The following EGFR variants were observed in gnomAD, a reference collection of about 807,000 sequenced individuals.
EGFR encodes the protein avian erythroblastic leukemia viral (v-erb-b) oncogene homolog.
Under a neutral mutation model 143.0 loss-of-function variants are expected in EGFR, and 58 were observed. The observed-to-expected ratio is 0.41, with a 90% CI of 0.33 to 0.50. The LOEUF is 0.50. Ranked by LOEUF, EGFR falls within the 20% of genes least tolerant of loss-of-function variation. The pLI is 0.39. For missense variants in EGFR, 1,307 were observed against 1,579.0 expected (o/e 0.83, Z 2.92); for synonymous variants, 613 against 594.4 (o/e 1.03, Z -0.45).
intron 1 of EGFR, among the ~76,000 whole-genome samples, chr7:55,110,249 C>A (rs1196131103): frequency 6.6e-6 from 1 of 152,094 alleles, no homozygotes; most frequent in African/African-American, 2.4e-5. Context: ...TATCTATTTT[C>A]TTTTCCTATT....
intron 3 of EGFR, among the ~76,000 whole-genome samples, chr7:55,143,715 C>G (rs889699595): frequency 6.6e-6 from 1 of 151,954 alleles, no homozygotes; most frequent in Non-Finnish European, 1.5e-5. Context: ...TTTACATGGA[C>G]ATGAAAAAAT....
At chr7:55,157,201 T>G (rs1319756168) in intron 10 of EGFR, among the ~76,000 whole-genome samples, 3 of 152,252 alleles carry the variant, frequency 2.0e-5, no homozygotes, top group Non-Finnish European at 4.4e-5. Context: ...CGGGCAAGCC[T>G]CGGGTCTATG....
At chr7:55,144,605 C>T (rs1794655496) in intron 3 of EGFR, among the ~76,000 whole-genome samples, 1 of 152,206 alleles carries the variant, frequency 6.6e-6, no homozygotes, top group South Asian at 2.1e-4. Context: ...CTCCTCAGTT[C>T]ACCGCCTATA....
At chr7:55,102,145 G>T (rs964864471) in intron 1 of EGFR, among the ~76,000 whole-genome samples, 2 of 152,010 alleles carry the variant, frequency 1.3e-5, no homozygotes, top group Non-Finnish European at 2.9e-5. Context: ...GCCCACTTAT[G>T]TGACCCACCC....
chr7:55,172,895 C>T (rs1786415631), intron 16 of EGFR, 88 bp from the exon 17 acceptor site: 1 of 1,612,184 alleles, frequency 6.2e-7, no homozygotes, highest in South Asian at 1.1e-5. Context: ...GATGTCAGTG[C>T]ACTGAAACAT....
rs1788126165 is a variant in EGFR at position 55,207,056 on chromosome 7, A to G, written c.*1439A>G. 4.3e-6 allele frequency: 1 copy of G among 232,872 alleles called. No individual in the cohort carries two copies. Among genetic ancestry groups the G allele is most frequent in the South Asian group, 1.8e-4 (1 of 5,536 alleles). The allele number at this position is 232,872 out of a possible 1,614,324, so 14.4% of individuals were successfully genotyped here. On this transcript the variant is annotated 3_prime_UTR_variant, in exon 28 of 28. Coordinates refer to ENST00000275493, the MANE Select transcript of EGFR (RefSeq NM_005228.5). ...AGTTAGGAGCCCACCTTTTTTCCTA[A>G]TCTGTGTGTGCCCTGTAACCTGACT...
intron 6 of EGFR, among the ~76,000 whole-genome samples, chr7:55,153,624 C>T (rs1785264240): frequency 6.6e-6 from 1 of 152,176 alleles, no homozygotes; most frequent in Non-Finnish European, 1.5e-5. Context: ...TTCAGCAATA[C>T]ATTATAAAAT....
intron 1 of EGFR, among the ~76,000 whole-genome samples, chr7:55,078,261 C>A (rs1233613709): frequency 1.3e-5 from 2 of 152,088 alleles, no homozygotes; most frequent in Non-Finnish European, 1.5e-5. Flanking sequence ...ACACCCCAAG[C>A]CCCGCGTCCC....
At position 55,160,395 on chromosome 7, in the gene EGFR, G is replaced by A. The variant is rs558571693; in HGVS notation, c.1498+57G>A. 6.1e-5 allele frequency: 94 copies of A among 1,552,674 alleles called. No individual in the cohort carries two copies. The African/African-American group carries it at 1.2e-3, about 20-fold the overall frequency. Reference sequence around the variant, plus strand: ...GTTGGTTCTAATGGGTCCTTTATTTGTATTTAGAATATTGAAGGGCTATTC... The same window carrying A: ...GTTGGTTCTAATGGGTCCTTTATTTATATTTAGAATATTGAAGGGCTATTC... On this transcript the variant is annotated intron_variant, in intron 12 of 27. Transcript: ENST00000275493.
chr7:55,079,119 A>G (rs1171648174), intron 1 of EGFR, among the ~76,000 whole-genome samples: 2 of 152,134 alleles, frequency 1.3e-5, no homozygotes, highest in East Asian at 1.9e-4. Context: ...CCCTGGAATG[A>G]GGCAGGCATG....
intron 1 of EGFR, among the ~76,000 whole-genome samples, chr7:55,123,823 ATC>A (rs974441490): frequency 8.6e-5 from 13 of 152,012 alleles, no homozygotes; most frequent in Non-Finnish European, 2.9e-5. Flanking sequence ...CTAGAATTAA[ATC>A]TCTGTGTGTG....
chr7:55,130,624 TA>T (rs1793776421), intron 1 of EGFR, among the ~76,000 whole-genome samples: 1 of 152,226 alleles, frequency 6.6e-6, no homozygotes, highest in Admixed American at 6.5e-5. Context: ...GGGCTCATTT[TA>T]AAACAAGCGT....
rs2128964710 is a variant in EGFR at position 55,191,866 on chromosome 7, G to A, written c.2617G>A (p.Gly873Arg). ...GGAAGAGAAAGAATACCATGCAGAA[G>A]GAGGCAAAGTAAGGAGGTGGCTTTA... ...GAEEKEYHAE[G>R]GKVPIKWMAL... is the part of the protein sequence containing the mutation. The change falls in exon 21 of 28, where the codon GGA becomes AGA. Residue 873 changes from glycine (G) to arginine (R), a missense_variant. Physicochemically the swap from Gly to Arg is moderately radical, Grantham distance 125. Transcript: ENST00000275493. 2 of 1,613,764 alleles carry A rather than the reference G, an allele frequency of 1.2e-6. No individual in the cohort carries two copies. Among genetic ancestry groups the A allele is most frequent in the Non-Finnish European group, 1.7e-6 (2 of 1,180,018 alleles).
chr7:55,137,819 G>A (rs1584132100), intron 1 of EGFR, among the ~76,000 whole-genome samples: 3 of 152,210 alleles, frequency 2.0e-5, no homozygotes, highest in Non-Finnish European at 2.9e-5. Context: ...TGCCTCTGGT[G>A]TATGGGGGCA....
intron 1 of EGFR, among the ~76,000 whole-genome samples, chr7:55,084,071 T>C (rs1465724888): frequency 1.3e-5 from 2 of 152,298 alleles, no homozygotes; most frequent in Non-Finnish European, 2.9e-5. Context: ...CTATGAAAGA[T>C]AGAGATTGGC....
In EGFR at chr7:55,161,523, C is replaced by G. The variant is rs1287531915; in HGVS notation, c.1523C>G (p.Ala508Gly). The G allele has an allele frequency of 2.5e-6, 4 of 1,614,080 alleles. No homozygotes were observed. The highest frequency in any genetic ancestry group is 2.5e-6 in the Non-Finnish European group (3 of 1,180,056). The change falls in exon 13 of 28, where the codon GCC becomes GGC. Residue 508 changes from alanine (A) to glycine (G), a missense_variant. Coordinates refer to ENST00000275493, the MANE Select transcript of EGFR (RefSeq NM_005228.5). Reference protein sequence around the residue: ...SCKATGQVCHALCSPEGCWGP... With the variant: ...SCKATGQVCHGLCSPEGCWGP... Reference sequence around the variant, plus strand: ...GAGGCCACAGGCCAGGTCTGCCATGCCTTGTGCTCCCCCGAGGGCTGCTGG... The same window carrying G: ...GAGGCCACAGGCCAGGTCTGCCATGGCTTGTGCTCCCCCGAGGGCTGCTGG...
intron 1 of EGFR, among the ~76,000 whole-genome samples, chr7:55,139,952 A>G (rs1413064121): frequency 6.6e-6 from 1 of 152,074 alleles, no homozygotes; most frequent in Non-Finnish European, 1.5e-5. Flanking sequence ...ATTGTAGACA[A>G]TGAAGGGTCA....
chr7:55,025,210 A>T (rs1199850047), intron 1 of EGFR, among the ~76,000 whole-genome samples: 1 of 152,194 alleles, frequency 6.6e-6, no homozygotes, highest in Non-Finnish European at 1.5e-5. Context: ...AGATGGCTGC[A>T]GCAGCGGTTT....
chr7:55,202,019 G>C lies in EGFR; in HGVS notation c.3162+237G>C, dbSNP rs962043238. ...CGCCATTTTTCAGGCCACTGCCCCA[G>C]TTTGACCAAATCAGGACCTCTGGGG... On this transcript the variant is annotated intron_variant, in intron 26 of 27. Coordinates refer to ENST00000275493, the MANE Select transcript of EGFR (RefSeq NM_005228.5). Among the ~76,000 whole-genome samples, 11 of 152,188 alleles carry C rather than the reference G, an allele frequency of 7.2e-5. 1 individual carries two copies. The highest frequency in any genetic ancestry group is 6.5e-4 in the Admixed American group (10 of 15,294).
Sources: gnomAD v4.1 joint callset for allele counts (sites outside exome capture counted in the v4.1 genomes callset) on GRCh38, gnomAD v4.1.1 for gene constraint, MANE v1.5 for transcripts, NCBI Gene and HGNC (gene_info 2026-07-23, HGNC 2026-07-21) for gene names.